COL8A2: variants seen among roughly 807,000 people sequenced by gnomAD.
COL8A2 encodes collagen alpha-2(VIII) chain.
In COL8A2, 16 loss-of-function variants were observed where a neutral mutation model predicts 24.0. The ratio of observed to expected loss-of-function variants is 0.67; its 90% CI spans 0.45 to 1.01. COL8A2 has a LOEUF of 1.01. COL8A2 is among the 50% of genes least tolerant of loss of function. The pLI is 0.00. For missense variants in COL8A2, 818 were observed against 942.4 expected (o/e 0.87, Z 1.73); for synonymous variants, 466 against 424.5 (o/e 1.10, Z -1.20).
chr1:36,100,528 T>G (rs1643662827), intron 2 of COL8A2, among the ~76,000 whole-genome samples: 1 of 152,024 alleles, frequency 6.6e-6, no homozygotes, highest in Admixed American at 6.6e-5. Flanking sequence ...GACAGCAGCC[T>G]CCTCAAAACC....
chr1:36,104,021 C>G (rs1025651800), intron 2 of COL8A2, among the ~76,000 whole-genome samples: 11 of 143,834 alleles, frequency 7.6e-5, no homozygotes, highest in Admixed American at 1.4e-4. Flanking sequence ...TGGTGAAACT[C>G]CATCTCCACT....
chr1:36,104,025 C>G (rs558290054), intron 2 of COL8A2, among the ~76,000 whole-genome samples: 19 of 151,776 alleles, frequency 1.3e-4, no homozygotes, highest in Non-Finnish European at 2.6e-4. Context: ...GAAACTCCAT[C>G]TCCACTAAAA....
At position 36,098,775 on chromosome 1, in the gene COL8A2, C is replaced by G. The variant is rs527929788; in HGVS notation, c.906G>C (p.Gly302=). 1.5e-4 allele frequency: 241 copies of G among 1,611,672 alleles called. 3 individuals are homozygous for G. The South Asian group carries it at 2.5e-3, about 17-fold the overall frequency. Residue 302 remains glycine (G), a synonymous_variant, in exon 4 of 4, where the codon GGG becomes GGC. Coordinates refer to ENST00000397799, the MANE Select transcript of COL8A2 (RefSeq NM_005202.4). The part of the protein sequence containing the change: ...QGPSGAKGEP[G]TRGPPGLIGP... ...CTATCAGCCCAGGGGGGCCCCGGGT[C>G]CCTGGCTCCCCTTTGGCCCCTGATG...
rs117860804 is a variant in COL8A2, at chr1:36,098,176, G to C, written c.1505C>G (p.Thr502Arg). Residue 502 changes from threonine to arginine, a missense_variant, in exon 4 of 4, where the codon ACG (threonine) becomes AGG (arginine). Coordinates refer to ENST00000397799, the MANE Select transcript of COL8A2 (RefSeq NM_005202.4). Reference sequence around the variant, plus strand: ...CCCTGGGGGCCCCGTGGGCCCAGCCGTGCCAGGTTCCCCTGCTCTCCCCTC... The same window carrying C: ...CCCTGGGGGCCCCGTGGGCCCAGCCCTGCCAGGTTCCCCTGCTCTCCCCTC... The part of the protein sequence containing the change: ...PGEGRAGEPG[T>R]AGPTGPPGVP... 3 of 1,520,042 alleles carry C rather than the reference G, an allele frequency of 2.0e-6. No homozygotes were observed. The South Asian group carries it at 3.6e-5, about 18-fold the overall frequency. The allele number at this position is 1,520,042 out of a possible 1,614,324, so 94.2% of individuals were successfully genotyped here.
At chr1:36,113,884 G>A (rs1282181099) in intron 2 of COL8A2, among the ~76,000 whole-genome samples, 1 of 152,192 alleles carries the variant, frequency 6.6e-6, no homozygotes, top group African/African-American at 2.4e-5. Context: ...AGGCCCACGG[G>A]GGCAGGTGAT....
intron 1 of COL8A2, among the ~76,000 whole-genome samples, chr1:36,118,858 T>A (rs1429571162): frequency 6.6e-6 from 1 of 152,228 alleles, no homozygotes; most frequent in Non-Finnish European, 1.5e-5. Flanking sequence ...GAGCTCCTAC[T>A]ACGGGCAGGC....
At chr1:36,100,371 G>T in intron 2 of COL8A2, 113 bp from the exon 3 acceptor site, 1 of 995,222 alleles carries the variant, frequency 1.0e-6, no homozygotes, top group Non-Finnish European at 1.5e-6. Context: ...TCAGTCAAAA[G>T]GCTGAGAAGC....
At chr1:36,105,712 C>A (rs993008255) in intron 2 of COL8A2, among the ~76,000 whole-genome samples, 2 of 151,518 alleles carry the variant, frequency 1.3e-5, no homozygotes, top group African/African-American at 4.9e-5. Flanking sequence ...CTTTGGGAGG[C>A]CTAGGCAGGA....
rs1310474490 is a variant in COL8A2 at position 36,123,285 on chromosome 1, G to A, written c.-62+1772C>T. ...TCCCTGCCACTGAGAGTTCTGGAGC[G>A]GGCTGGGGGGCCAGCAGGGCAAGGA... On this transcript the variant is annotated intron_variant, in intron 1 of 3. Coordinates refer to ENST00000397799, the MANE Select transcript of COL8A2 (RefSeq NM_005202.4). This position sits in a 1 kb window ranked among gnomAD's most constrained non-coding sequence, Gnocchi z 4.1. Among the ~76,000 whole-genome samples, 1 of 152,252 alleles carries A rather than the reference G, an allele frequency of 6.6e-6. No individual in the cohort carries two copies. Among genetic ancestry groups the A allele is most frequent in the African/African-American group, 2.4e-5 (1 of 41,462 alleles).
At chr1:36,107,167 G>A (rs2124090063) in intron 2 of COL8A2, among the ~76,000 whole-genome samples, 1 of 152,314 alleles carries the variant, frequency 6.6e-6, no homozygotes, top group South Asian at 2.1e-4. Context: ...ACTTTCGGGA[G>A]GCTGCGACGG....
At chr1:36,109,999 G>T (rs572889540) in intron 2 of COL8A2, among the ~76,000 whole-genome samples, 1 of 136,936 alleles carries the variant, frequency 7.3e-6, no homozygotes. Flanking sequence ...GCGCGATCTC[G>T]ACTCACTGCA....
chr1:36,106,258 C>T (rs1441679125), intron 2 of COL8A2, among the ~76,000 whole-genome samples: 3 of 149,782 alleles, frequency 2.0e-5, no homozygotes, highest in African/African-American at 4.9e-5. Flanking sequence ...AGAGAGACTC[C>T]GTCAAAAAAA....
intron 2 of COL8A2, among the ~76,000 whole-genome samples, chr1:36,108,511 C>T (rs982121772): frequency 4.6e-5 from 7 of 152,216 alleles, no homozygotes; most frequent in East Asian, 1.9e-4. Flanking sequence ...ATTCAGAGGA[C>T]GGCGCAGTGG....
chr1:36,098,380 C>G lies in COL8A2; in HGVS notation c.1301G>C (p.Arg434Pro). Residue 434 changes from arginine (R) to proline (P), a missense_variant, in exon 4 of 4, where the codon CGC becomes CCC. This residue lies in a region of COL8A2 where 573 missense variants were observed against 616.8 expected (regional missense o/e 0.93). Coordinates refer to ENST00000397799, the MANE Select transcript of COL8A2 (RefSeq NM_005202.4). ...TCCTGCCACCCCTGGTCCTCCAGGG[C>G]GACCCGTGAAACCCGGCTCACCCTT... ...GPKGEPGFTG[R>P]PGGPGVAGAL... The G allele has an allele frequency of 1.9e-6, 3 of 1,558,426 alleles. No homozygotes were observed. The highest frequency in any genetic ancestry group is 2.6e-6 in the Non-Finnish European group (3 of 1,151,488).
chr1:36,110,689 A>G (rs1035476958), intron 2 of COL8A2, among the ~76,000 whole-genome samples: 3 of 151,992 alleles, frequency 2.0e-5, no homozygotes, highest in African/African-American at 7.2e-5. Context: ...ATGGGGTTTC[A>G]CCATGTTGGT....
Position 36,098,986 on chromosome 1 carries a change from C to T in COL8A2, c.695G>A (p.Gly232Asp), listed in dbSNP as rs1471639605. ...GGAPGPPGLPGPAGLGKPGLD... is the reference protein window; with the variant it reads ...GGAPGPPGLPDPAGLGKPGLD... ...ACCAGGTTTGCCTAAGCCAGCTGGA[C>T]CAGGGAGGCCGGGGGGGCCGGGGGC... Residue 232 changes from glycine (G) to aspartate (D), a missense_variant, in exon 4 of 4, where the codon GGT becomes GAT. Gly to Asp is a moderately conservative substitution (Grantham distance 94, BLOSUM62 -1). Around this residue, in one of 3 missense-constraint regions of COL8A2, gnomAD observed 573 missense variants for 616.8 expected, o/e 0.93. Transcript: ENST00000397799. 6.2e-7 allele frequency: 1 copy of T among 1,600,360 alleles called. No homozygotes were observed.
At position 36,098,888 on chromosome 1, in the gene COL8A2, C is replaced by T. The variant is rs762834501; in HGVS notation, c.793G>A (p.Glu265Lys). 1.9e-6 allele frequency: 3 copies of T among 1,612,188 alleles called. No individual in the cohort carries two copies. The highest frequency in any genetic ancestry group is 1.7e-5 in the Admixed American group (1 of 59,974). The change falls in exon 4 of 4, where the codon GAG (glutamate) becomes AAG (lysine). Residue 265 changes from glutamate (E) to lysine (K), a missense_variant. By Grantham distance (56) the Glu-to-Lys change is moderately conservative. This residue lies in a region of COL8A2 where 573 missense variants were observed against 616.8 expected (regional missense o/e 0.93). Transcript: ENST00000397799. The stretch of plus-strand genomic sequence containing the variant: ...CCTTTTGGGCCCACAGCTCCTGGCT[C>T]CCCCCTGGGGCCTGGAACTCCAGGA... Reference protein sequence around the residue: ...GPPGVPGPRGEPGAVGPKGPP... With the variant: ...GPPGVPGPRGKPGAVGPKGPP...
chr1:36,120,573 C>T (rs1035013966), intron 1 of COL8A2, among the ~76,000 whole-genome samples: 3 of 151,944 alleles, frequency 2.0e-5, no homozygotes, highest in Non-Finnish European at 4.4e-5. Flanking sequence ...CGTGGTGAAA[C>T]CCCATCTCTA....
chr1:36,118,523 C>T (rs1643890031), intron 1 of COL8A2, among the ~76,000 whole-genome samples: 1 of 152,140 alleles, frequency 6.6e-6, no homozygotes, highest in Non-Finnish European at 1.5e-5. Context: ...GTGCCTGAGC[C>T]GACTTCAATG....
Sources: allele counts gnomAD v4.1 joint callset (sites outside exome capture counted in the v4.1 genomes callset), GRCh38; gene constraint gnomAD v4.1.1; regional missense constraint gnomAD v4.1.1; non-coding constraint Gnocchi (gnomAD v3.1); transcripts MANE v1.5; gene names NCBI Gene and HGNC (gene_info 2026-07-23, HGNC 2026-07-21).